Variants in RNF125 observed in about 807,000 individuals in gnomAD.
The protein encoded by RNF125 is ring finger protein 125.
In RNF125, 21 loss-of-function variants were observed where a neutral mutation model predicts 26.0. The observed-to-expected ratio is 0.81, with a 90% confidence interval of 0.57 to 1.16. RNF125 has a LOEUF of 1.16. Ranked by LOEUF, RNF125 falls within the 50% of genes most tolerant of loss-of-function variation. RNF125 has a pLI of 0.00. For missense variants in RNF125, 270 were observed against 299.4 expected (o/e 0.90, Z 0.72); for synonymous variants, 95 against 109.2 (o/e 0.87, Z 0.81).
Position 32,072,032 on chromosome 18 carries a change from AAAACAAACAAAC to A in RNF125, c.*3660_*3671del, listed in dbSNP as rs146789641. 1 of 152,086 alleles carries A rather than the reference AAAACAAACAAAC, an allele frequency of 6.6e-6. No homozygotes were observed. Among genetic ancestry groups the A allele is most frequent in the Non-Finnish European group, 1.5e-5 (1 of 68,064 alleles). 9.4% of individuals were successfully genotyped at this position (152,086 alleles called of 1,614,324 possible). ...GACTCTTTCTATTTAAACAAAAACA[AAAACAAACAAAC>A]AAACAAACAAAAAGCTGGGCATGAT... On this transcript the variant is annotated 3_prime_UTR_variant, in exon 6 of 6. Transcript: ENST00000217740.
chr18:32,048,470 A>AAG (rs1555693186), intron 4 of RNF125, among the ~76,000 whole-genome samples: 1 of 152,030 alleles, frequency 6.6e-6, no homozygotes, highest in East Asian at 1.9e-4. Flanking sequence ...CTCAAAAAAA[A>AAG]AGAGAGAAAA....
At position 32,069,344 on chromosome 18, in the gene RNF125, A is replaced by G. The variant is rs543201004; in HGVS notation, c.*960A>G. The G allele has an allele frequency of 6.6e-6, 1 of 152,192 alleles. No individual in the cohort carries two copies. Among genetic ancestry groups the G allele is most frequent in the Non-Finnish European group, 1.5e-5 (1 of 68,044 alleles). The allele number at this position is 152,192 out of a possible 1,614,324, so 9.4% of individuals were successfully genotyped here. ...AGAATTCAATATTTTTCAAATATTTATAGCTTATTTAGAAATATTTCTATA... is the reference window on the plus strand; with the variant it reads ...AGAATTCAATATTTTTCAAATATTTGTAGCTTATTTAGAAATATTTCTATA... On this transcript the variant is annotated 3_prime_UTR_variant, in exon 6 of 6. Coordinates refer to ENST00000217740, the MANE Select transcript of RNF125 (RefSeq NM_017831.4).
chr18:32,080,843 T>C, the RNF125 span, among the ~76,000 whole-genome samples: 4 of 152,180 alleles, frequency 2.6e-5, no homozygotes, highest in African/African-American at 9.7e-5. Flanking sequence ...GCCACTGCAC[T>C]CTAGCCTGGG....
In RNF125 at chr18:32,027,226, T is replaced by C. The variant is rs996245027; in HGVS notation, c.164+8199T>C. Among the ~76,000 whole-genome samples the C allele has an allele frequency of 1.7e-4, 25 of 148,990 alleles. No homozygotes were observed. In the East Asian group the frequency reaches 4.7e-3, roughly 28 times the overall value. ...CTTACCACTGGACTACAGGATGGAG[T>C]CTTTTTTTTTTTTTTTTAATTTAAC... is the stretch of plus-strand genomic sequence containing the variant. On this transcript the variant is annotated intron_variant, in intron 1 of 5. Coordinates refer to ENST00000217740, the MANE Select transcript of RNF125 (RefSeq NM_017831.4).
At chr18:32,023,798 T>C (rs540116086) in intron 1 of RNF125, among the ~76,000 whole-genome samples, 36 of 152,326 alleles carry the variant, frequency 2.4e-4, no homozygotes, top group African/African-American at 7.0e-4. Context: ...GGCTCATGCC[T>C]GTAATCCCAG....
chr18:32,052,358 T>G (rs1304065942), intron 4 of RNF125, among the ~76,000 whole-genome samples: 1 of 151,744 alleles, frequency 6.6e-6, no homozygotes, highest in Non-Finnish European at 1.5e-5. Context: ...CCAGGCACGG[T>G]GGCGCGCGTC....
chr18:32,024,095 CT>C (rs1479787821), intron 1 of RNF125, among the ~76,000 whole-genome samples: 1 of 150,480 alleles, frequency 6.6e-6, no homozygotes, highest in Non-Finnish European at 1.5e-5. Context: ...TTATCTATAT[CT>C]TTTTTTATTC....
the RNF125 span, among the ~76,000 whole-genome samples, chr18:32,079,207 G>T: frequency 6.6e-6 from 1 of 152,134 alleles, no homozygotes; most frequent in Non-Finnish European, 1.5e-5. Flanking sequence ...TTCTCACTGC[G>T]TCCTTACATG....
chr18:32,064,178 G>C (rs563221420), intron 4 of RNF125, among the ~76,000 whole-genome samples: 1 of 151,414 alleles, frequency 6.6e-6, no homozygotes, highest in African/African-American at 2.4e-5. Flanking sequence ...TGTCTTTTTA[G>C]TAGACATGGG....
At chr18:32,052,807 T>A (rs970515255) in intron 4 of RNF125, among the ~76,000 whole-genome samples, 1 of 152,202 alleles carries the variant, frequency 6.6e-6, no homozygotes, top group African/African-American at 2.4e-5. Flanking sequence ...TTTACACTTG[T>A]ACTCCTAGAG....
chr18:32,050,885 T>C (rs2039319546), intron 4 of RNF125, among the ~76,000 whole-genome samples: 2 of 127,720 alleles, frequency 1.6e-5, no homozygotes, highest in Non-Finnish European at 3.2e-5. Context: ...TTTTTTTTTT[T>C]TTTTTTTTTT....
At chr18:32,088,700 A>G in the RNF125 span, among the ~76,000 whole-genome samples, 1 of 152,078 alleles carries the variant, frequency 6.6e-6, no homozygotes, top group African/African-American at 2.4e-5. Flanking sequence ...AGGTTTCGCC[A>G]TGTTGTCCAG....
At chr18:32,090,799 C>T in the RNF125 span, among the ~76,000 whole-genome samples, 2 of 152,126 alleles carry the variant, frequency 1.3e-5, no homozygotes, top group Admixed American at 1.3e-4. Context: ...TTTAAATAGT[C>T]CCTTAAATGG....
At chr18:32,064,396 CTTTTTTTTTTT>C (rs775086863) in intron 4 of RNF125, among the ~76,000 whole-genome samples, 3 of 86,862 alleles carry the variant, frequency 3.5e-5, no homozygotes, top group African/African-American at 4.6e-5. Context: ...TTTTCTTTTT[CTTTTTTTTTTT>C]TTTTTTTTTT....
chr18:32,067,337 C>G (rs2039494119), intron 5 of RNF125, among the ~76,000 whole-genome samples: 1 of 152,186 alleles, frequency 6.6e-6, no homozygotes, highest in Non-Finnish European at 1.5e-5. Context: ...CATGCTCAGT[C>G]TGTTCTCAAG....
At chr18:32,077,158 T>C (rs2039575657), downstream of RNF125, among the ~76,000 whole-genome samples, 1 of 152,052 alleles carries the variant, frequency 6.6e-6, no homozygotes, top group South Asian at 2.1e-4. Context: ...CTACTGATGA[T>C]ATATACACAT....
chr18:32,077,643 G>T (rs910413561), downstream of RNF125, among the ~76,000 whole-genome samples: 15 of 151,704 alleles, frequency 9.9e-5, no homozygotes, highest in African/African-American at 3.2e-4. Flanking sequence ...TTACAGGTGT[G>T]AGCCACCTCG....
At chr18:32,078,954 C>T in the RNF125 span, among the ~76,000 whole-genome samples, 1 of 152,168 alleles carries the variant, frequency 6.6e-6, no homozygotes, top group African/African-American at 2.4e-5. Context: ...TCAGTCACAC[C>T]ATCTTTTATA....
chr18:32,077,743 AC>A (rs1193998687), downstream of RNF125, among the ~76,000 whole-genome samples: 2 of 152,038 alleles, frequency 1.3e-5, no homozygotes, highest in Non-Finnish European at 2.9e-5. Flanking sequence ...CTAGTCATGT[AC>A]CATTTTTCTC....
Sources: gnomAD v4.1 joint callset for allele counts (sites outside exome capture counted in the v4.1 genomes callset) on GRCh38, gnomAD v4.1.1 for gene constraint, MANE v1.5 for transcripts, NCBI Gene and HGNC (gene_info 2026-07-23, HGNC 2026-07-21) for gene names.